The following MTCL1 variants were observed in gnomAD, a reference collection of about 807,000 sequenced individuals.
The protein encoded by MTCL1 is microtubule cross-linking factor 1.
A neutral mutation model predicts 141.4 loss-of-function variants in MTCL1; 79 were observed. The ratio of observed to expected loss-of-function variants is 0.56; its 90% CI spans 0.47 to 0.67. MTCL1 has a LOEUF of 0.67. Ranked by LOEUF, MTCL1 falls within the 30% of genes least tolerant of loss-of-function variation. MTCL1 has a pLI of 0.00. For missense variants in MTCL1, 2,177 were observed against 2,113.9 expected, an observed-to-expected ratio of 1.03 and a Z score of -0.59; for synonymous variants, 914 against 875.8, an observed-to-expected ratio of 1.04 and a Z score of -0.77.
At chr18:8,725,776 CTTTTTT>C (rs1220187127) in intron 4 of MTCL1, among the ~76,000 whole-genome samples, 1 of 110,996 alleles carries the variant, frequency 9.0e-6, no homozygotes, top group African/African-American at 3.7e-5. Flanking sequence ...GTGCCATTTT[CTTTTTT>C]TTTTTTTCTT....
chr18:8,825,428 C>T (rs777542149), exon 15 of MTCL1: 1 of 1,557,200 alleles, frequency 6.4e-7, no homozygotes, highest in Non-Finnish European at 8.7e-7. Context: ...AAGTCAAGGA[C>T]ATGGCCTGCC....
In MTCL1 at chr18:8,775,544, G is replaced by C. The variant is rs565537938; in HGVS notation, c.358-2289G>C. ...GCCGAGATTGCACCACTGCACTCCA[G>C]CCTGGGCGACAGAGAAAGATTCCGT... On this transcript the variant is annotated intron_variant, in intron 4 of 16. Transcript: ENST00000359865. Among the ~76,000 whole-genome samples the C allele has an allele frequency of 2.0e-5, 3 of 152,176 alleles. 1 individual carries two copies. The East Asian group carries it at 5.8e-4, about 29-fold the overall frequency.
At chr18:8,752,251 G>T (rs1422678516) in intron 4 of MTCL1, among the ~76,000 whole-genome samples, 1 of 152,208 alleles carries the variant, frequency 6.6e-6, no homozygotes, top group Non-Finnish European at 1.5e-5. Flanking sequence ...TTTTGAGTAA[G>T]ATGTGTAAAT....
intron 4 of MTCL1, among the ~76,000 whole-genome samples, chr18:8,753,283 T>C (rs1386765870): frequency 6.6e-6 from 1 of 152,252 alleles, no homozygotes; most frequent in Non-Finnish European, 1.5e-5. Flanking sequence ...GAATCAACTA[T>C]GATGTCAATT....
intron 4 of MTCL1, among the ~76,000 whole-genome samples, chr18:8,721,152 A>G (rs1459639815): frequency 6.6e-6 from 1 of 152,250 alleles, no homozygotes; most frequent in African/African-American, 2.4e-5. Flanking sequence ...TTATAAGATT[A>G]AAGCTGAGTG....
intron 4 of MTCL1, among the ~76,000 whole-genome samples, chr18:8,723,259 G>C (rs1454631295): frequency 6.6e-6 from 1 of 152,208 alleles, no homozygotes; most frequent in Non-Finnish European, 1.5e-5. Flanking sequence ...GTTCAAAGGT[G>C]GTGGAGGAAA....
chr18:8,812,066 A>T (rs1163711455), intron 11 of MTCL1, among the ~76,000 whole-genome samples: 1 of 149,724 alleles, frequency 6.7e-6, no homozygotes, highest in Admixed American at 6.7e-5. Context: ...GTCATAGTTT[A>T]CCTCTACATA....
At chr18:8,733,657 C>T (rs1345645055) in intron 4 of MTCL1, among the ~76,000 whole-genome samples, 1 of 152,112 alleles carries the variant, frequency 6.6e-6, no homozygotes, top group African/African-American at 2.4e-5. Flanking sequence ...CCACCCACCT[C>T]GGCCTCTCAA....
exon 6 of MTCL1, chr18:8,784,439 G>A: frequency 6.5e-7 from 1 of 1,531,630 alleles, no homozygotes; most frequent in South Asian, 1.3e-5. Flanking sequence ...ATGCCCCACG[G>A]AGCTCCTGAA....
At chr18:8,782,317 T>C (rs1471972168) in intron 5 of MTCL1, 1 of 152,216 alleles carries the variant, frequency 6.6e-6, no homozygotes, top group Non-Finnish European at 1.5e-5. Flanking sequence ...CTCTGTGTGA[T>C]GGGGGAAACC....
intron 7 of MTCL1, among the ~76,000 whole-genome samples, chr18:8,790,106 G>A (rs1400656092): frequency 1.3e-5 from 2 of 152,216 alleles, no homozygotes; most frequent in Non-Finnish European, 2.9e-5. Flanking sequence ...TCGTAGGTGA[G>A]TCCGACTTCC....
exon 15 of MTCL1, chr18:8,825,097 C>A: frequency 2.5e-6 from 4 of 1,606,396 alleles, no homozygotes; most frequent in Non-Finnish European, 8.5e-7. Flanking sequence ...TTACACAGCC[C>A]GCCTGCCGTG....
chr18:8,728,757 G>T lies in MTCL1; in HGVS notation c.357+8261G>T, dbSNP rs555142889. 4.9e-3 allele frequency among the ~76,000 whole-genome samples: 288 copies of T among 59,020 alleles called. 2 individuals carry two copies. The highest frequency in any genetic ancestry group is 5.3e-3 in the Non-Finnish European group (193 of 36,078). 38.7% of individuals were successfully genotyped at this position (59,020 alleles called of 152,430 possible). ...TTTTTTTTTTTTTTTTTGAGACGGA[G>T]TCTCGCTCTGTCGCCCAGGCTGGAG... On this transcript the variant is annotated intron_variant, in intron 4 of 16. Coordinates refer to ENST00000359865, the Ensembl canonical transcript of MTCL1.
At chr18:8,802,072 C>T (rs928510121) in intron 10 of MTCL1, 3 of 152,224 alleles carry the variant, frequency 2.0e-5, no homozygotes, top group Admixed American at 1.3e-4. Context: ...CGACAAATGG[C>T]TCATTTATAA....
chr18:8,824,653 G>C, intron 14 of MTCL1, 46 bp from the exon 14 acceptor site: 8 of 1,531,352 alleles, frequency 5.2e-6, no homozygotes, highest in Non-Finnish European at 7.1e-6. Context: ...TGGTGTGTCA[G>C]AGGCTCCCTG....
chr18:8,713,054 T>G (rs2148772827), upstream of MTCL1, among the ~76,000 whole-genome samples: 1 of 152,350 alleles, frequency 6.6e-6, no homozygotes, highest in East Asian at 1.9e-4. Context: ...AACTATCCTT[T>G]TAGAGGTTTT....
chr18:8,809,398 G>A, intron 11 of MTCL1: 1 of 1,522,728 alleles, frequency 6.6e-7, no homozygotes, highest in Non-Finnish European at 8.8e-7. Context: ...AAGGAAGTAT[G>A]GAATGAAAGA....
intron 4 of MTCL1, among the ~76,000 whole-genome samples, chr18:8,759,919 C>T (rs1295613347): frequency 6.6e-6 from 1 of 151,964 alleles, no homozygotes; most frequent in African/African-American, 2.4e-5. Context: ...GCCCCAGGGG[C>T]TCATGCTCAT....
chr18:8,784,138 G>C (rs376804537), exon 6 of MTCL1: 4 of 1,613,726 alleles, frequency 2.5e-6, no homozygotes, highest in African/African-American at 2.7e-5. Flanking sequence ...AGTCAGCCAG[G>C]CTGCAGATCA....
Sources: gnomAD v4.1 joint callset for allele counts (sites outside exome capture counted in the v4.1 genomes callset) on GRCh38, gnomAD v4.1.1 for gene constraint, MANE v1.5 for transcripts, NCBI Gene and HGNC (gene_info 2026-07-23, HGNC 2026-07-21) for gene names.